The following ARHGAP6 variants were observed in gnomAD, a reference collection of about 807,000 sequenced individuals.
ARHGAP6 encodes rho GTPase-activating protein 6.
Under a neutral mutation model 55.7 loss-of-function variants are expected in ARHGAP6, and 16 were observed. The ratio of observed to expected loss-of-function variants is 0.29; its 90% CI spans 0.19 to 0.44. ARHGAP6 has a LOEUF of 0.44. Among genes scored for constraint, ARHGAP6 ranks in the 20% least tolerant of loss-of-function variants. The pLI, the probability that ARHGAP6 is intolerant of heterozygous loss-of-function variation, is 1.00. For synonymous variants in ARHGAP6, 382 were observed against 360.9 expected (o/e 1.06, Z -0.66); for missense variants, 698 against 808.9 (o/e 0.86, Z 1.66).
intron 1 of ARHGAP6, among the ~76,000 whole-genome samples, chrX:11,306,134 G>A (rs2048235989): frequency 9.0e-6 from 1 of 111,710 alleles, no homozygotes; most frequent in Non-Finnish European, 1.9e-5. Flanking sequence ...ACTCCTGGAA[G>A]TGAGGTTCCC....
chrX:11,242,148 GA>G (rs780670718), intron 2 of ARHGAP6, among the ~76,000 whole-genome samples: 333 of 111,310 alleles, frequency 3.0e-3, no homozygotes, highest in Middle Eastern at 4.6e-3. Context: ...TTCAAGAGGA[GA>G]AAAAAAACTT....
chrX:11,660,530 CAAAAAAAAAAAA>C (rs56274949), intron 1 of ARHGAP6, among the ~76,000 whole-genome samples: 646 of 27,278 alleles, frequency 0.024, 32 homozygotes, highest in African/African-American at 0.062. Context: ...CTCTCTCTCT[CAAAAAAAAAAAA>C]AAAAAAAAAA....
chrX:11,524,126 T>C (rs936039977), intron 1 of ARHGAP6, among the ~76,000 whole-genome samples: 3 of 111,739 alleles, frequency 2.7e-5, no homozygotes, highest in Non-Finnish European at 5.6e-5. Context: ...ATAAAAGAAG[T>C]GATGTAGTTG....
chrX:11,240,216 C>T (rs745938933), intron 2 of ARHGAP6, among the ~76,000 whole-genome samples: 15 of 112,284 alleles, frequency 1.3e-4, no homozygotes, highest in Non-Finnish European at 2.4e-4. Flanking sequence ...GACAAAGGAT[C>T]CACTTACTGC....
intron 1 of ARHGAP6, among the ~76,000 whole-genome samples, chrX:11,537,413 C>T (rs1324229342): frequency 3.6e-5 from 4 of 111,890 alleles, no homozygotes; most frequent in African/African-American, 1.3e-4. Flanking sequence ...AAAATGTCAA[C>T]GGCACAGAGA....
At chrX:11,610,517 T>C (rs1317763779) in intron 1 of ARHGAP6, among the ~76,000 whole-genome samples, 2 of 111,859 alleles carry the variant, frequency 1.8e-5, no homozygotes, top group African/African-American at 6.5e-5. Context: ...CCAGCGGTCA[T>C]ATGGAGGAAG....
chrX:11,510,338 T>C (rs1438422208), intron 1 of ARHGAP6, among the ~76,000 whole-genome samples: 3 of 111,448 alleles, frequency 2.7e-5, no homozygotes, highest in Non-Finnish European at 3.8e-5. Flanking sequence ...GCCCCAATTC[T>C]TCATGGCTCC....
At chrX:11,270,944 G>T (rs1483104397) in intron 1 of ARHGAP6, among the ~76,000 whole-genome samples, 1 of 111,867 alleles carries the variant, frequency 8.9e-6, no homozygotes, top group Admixed American at 9.5e-5. Context: ...ATTTTATCTT[G>T]ATTCTTATGG....
intron 1 of ARHGAP6, among the ~76,000 whole-genome samples, chrX:11,385,060 G>A (rs1411256710): frequency 8.9e-6 from 1 of 111,914 alleles, no homozygotes; most frequent in Admixed American, 9.5e-5. Context: ...AAAGGTTGAA[G>A]CTTAGAAATT....
At chrX:11,197,864 G>A (rs926729094) in intron 2 of ARHGAP6, among the ~76,000 whole-genome samples, 5 of 111,750 alleles carry the variant, frequency 4.5e-5, no homozygotes, top group South Asian at 3.8e-4. Context: ...GCCAGAATGC[G>A]TTTTGAGGTT....
chrX:11,534,568 T>C (rs2051083910), intron 1 of ARHGAP6, among the ~76,000 whole-genome samples: 1 of 109,624 alleles, frequency 9.1e-6, no homozygotes, highest in Admixed American at 9.7e-5. Context: ...CATTACCAAC[T>C]GTCTTCTCGG....
At chrX:11,595,349 G>A (rs1016103779) in intron 1 of ARHGAP6, among the ~76,000 whole-genome samples, 4 of 109,345 alleles carry the variant, frequency 3.7e-5, no homozygotes, top group African/African-American at 1.3e-4. Flanking sequence ...TTAATAAATG[G>A]TATTGGGAAA....
intron 1 of ARHGAP6, among the ~76,000 whole-genome samples, chrX:11,349,589 T>C (rs1478927581): frequency 1.8e-5 from 2 of 111,721 alleles, no homozygotes; most frequent in Non-Finnish European, 3.8e-5. Context: ...CAGATCTAAA[T>C]AAAATAGACA....
intron 1 of ARHGAP6, among the ~76,000 whole-genome samples, chrX:11,349,985 T>C (rs1369835752): frequency 2.7e-5 from 3 of 111,641 alleles, no homozygotes; most frequent in African/African-American, 9.8e-5. Context: ...AACTGGAATA[T>C]GGCCCCCTGC....
intron 2 of ARHGAP6, among the ~76,000 whole-genome samples, chrX:11,242,585 A>G (rs1455499934): frequency 8.9e-6 from 1 of 112,069 alleles, no homozygotes; most frequent in Non-Finnish European, 1.9e-5. Context: ...ATGGAGGACA[A>G]TACTTTTAGT....
intron 1 of ARHGAP6, among the ~76,000 whole-genome samples, chrX:11,590,167 T>C (rs910744583): frequency 4.5e-5 from 5 of 111,782 alleles, no homozygotes; most frequent in African/African-American, 1.6e-4. Flanking sequence ...GGCGTGTATA[T>C]GGAGATTTTT....
At chrX:11,588,351 G>A (rs970552341) in intron 1 of ARHGAP6, among the ~76,000 whole-genome samples, 2 of 112,089 alleles carry the variant, frequency 1.8e-5, no homozygotes, top group Non-Finnish European at 3.8e-5. Flanking sequence ...TTGCAAAATG[G>A]TTTGCCAATT....
At chrX:11,509,637 T>A (rs185643394) in intron 1 of ARHGAP6, among the ~76,000 whole-genome samples, 10 of 112,426 alleles carry the variant, frequency 8.9e-5, no homozygotes, top group Non-Finnish European at 1.7e-4. Context: ...TACATATTTT[T>A]AAAAAGTGGT....
intron 1 of ARHGAP6, among the ~76,000 whole-genome samples, chrX:11,387,018 G>A (rs989631980): frequency 1.8e-5 from 2 of 112,108 alleles, no homozygotes; most frequent in African/African-American, 6.5e-5. Context: ...CAGTTTCCAC[G>A]CCAAGTCCAA....
Sources: gnomAD v4.1 joint callset for allele counts (sites outside exome capture counted in the v4.1 genomes callset) on GRCh38, gnomAD v4.1.1 for gene constraint, MANE v1.5 for transcripts, NCBI Gene and HGNC (gene_info 2026-07-23, HGNC 2026-07-21) for gene names.